Variants in LRRC7 observed in about 807,000 individuals in gnomAD.
The protein encoded by LRRC7 is leucine rich repeat containing 7, also known as leucine-rich repeat-containing protein 7.
A neutral mutation model predicts 175.7 loss-of-function variants in LRRC7; 23 were observed. The observed-to-expected ratio is 0.13, with a 90% CI of 0.09 to 0.19. LRRC7 has a LOEUF of 0.19. LRRC7 is among the 10% of genes least tolerant of loss of function. The pLI is 1.00. For synonymous variants in LRRC7, 685 were observed against 680.9 expected (o/e 1.01, Z -0.09); for missense variants, 1,354 against 1,904.7 (o/e 0.71, Z 5.38).
rs763775740 is a variant in LRRC7, at chr1:69,792,174, C to G, written c.421+14C>G. ...TCAGTAAAAATGGTAAGATTTTTCT[C>G]TCATCATAAAATACCTAGAATTTTT... On this transcript the variant is annotated intron_variant, in intron 4 of 26. Coordinates refer to ENST00000651989, the MANE Select transcript of LRRC7 (RefSeq NM_001370785.2). The G allele has an allele frequency of 8.4e-6, 12 of 1,431,330 alleles. No individual in the cohort carries two copies. The highest frequency in any genetic ancestry group is 1.2e-5 in the Non-Finnish European group (12 of 1,024,320). The allele number at this position is 1,431,330 out of a possible 1,614,324, so 88.7% of individuals were successfully genotyped here. A position where few individuals can be genotyped will look rare whatever the true frequency, so the allele number is the denominator to read the frequency against.
chr1:69,865,952 A>G (rs1433022394), intron 7 of LRRC7, among the ~76,000 whole-genome samples: 1 of 152,162 alleles, frequency 6.6e-6, no homozygotes, highest in East Asian at 1.9e-4. Context: ...GGCAGATAGA[A>G]AGTTTGGAAA....
intron 1 of LRRC7, among the ~76,000 whole-genome samples, chr1:69,574,037 G>T (rs2100886105): frequency 6.6e-6 from 1 of 152,208 alleles, no homozygotes; most frequent in South Asian, 2.1e-4. Context: ...CAAGGGGATA[G>T]GTATGCCCAA....
intron 2 of LRRC7, among the ~76,000 whole-genome samples, chr1:69,726,270 A>G (rs370275122): frequency 6.6e-6 from 1 of 152,300 alleles, no homozygotes; most frequent in South Asian, 2.1e-4. Flanking sequence ...TTCTATTTCT[A>G]CTGTATTGCC....
intron 3 of LRRC7, among the ~76,000 whole-genome samples, chr1:69,772,894 G>C (rs1268448256): frequency 6.6e-6 from 1 of 152,166 alleles, no homozygotes; most frequent in African/African-American, 2.4e-5. Flanking sequence ...GTTTGAAAAA[G>C]AGGGAGTATA....
intron 7 of LRRC7, among the ~76,000 whole-genome samples, chr1:69,852,735 T>C (rs1683124970): frequency 6.6e-6 from 1 of 152,182 alleles, no homozygotes; most frequent in Middle Eastern, 3.2e-3. Context: ...AAAATAAATA[T>C]CAACTTTGGG....
chr1:70,131,803 T>A lies in LRRC7; in HGVS notation c.*9916T>A, dbSNP rs938960573. On this transcript the variant is annotated 3_prime_UTR_variant, in exon 27 of 27. Transcript: ENST00000651989. ...ATTTACATGGGTAAAAGAATGCCAATGTCTCTTTGAACAAAAATAAATGAA... is the reference window on the plus strand; with the variant it reads ...ATTTACATGGGTAAAAGAATGCCAAAGTCTCTTTGAACAAAAATAAATGAA... 7.9e-5 allele frequency among the ~76,000 whole-genome samples: 12 copies of A among 152,206 alleles called. No individual in the cohort carries two copies. The highest frequency in any genetic ancestry group is 2.9e-4 in the African/African-American group (12 of 41,456).
At chr1:69,695,318 G>T (rs529432904) in intron 2 of LRRC7, among the ~76,000 whole-genome samples, 1 of 152,254 alleles carries the variant, frequency 6.6e-6, no homozygotes, top group South Asian at 2.1e-4. Context: ...AAATCTATAA[G>T]CAGAAAAACA....
intron 7 of LRRC7, among the ~76,000 whole-genome samples, chr1:69,912,352 A>G (rs1046660357): frequency 6.6e-6 from 1 of 152,214 alleles, no homozygotes; most frequent in Non-Finnish European, 1.5e-5. Flanking sequence ...CCAGTTATCT[A>G]CAAGAGTTTT....
intron 3 of LRRC7, among the ~76,000 whole-genome samples, chr1:69,762,588 A>G (rs137917343): frequency 1.3e-5 from 2 of 152,026 alleles, no homozygotes; most frequent in African/African-American, 4.8e-5. Context: ...GATGGGGGCA[A>G]TATGTAGGGA....
chr1:69,732,226 A>AT (rs925823099), intron 2 of LRRC7, among the ~76,000 whole-genome samples: 3 of 152,080 alleles, frequency 2.0e-5, no homozygotes, highest in African/African-American at 7.2e-5. Context: ...AAAGCTAAAT[A>AT]TTTTTTTAAA....
intron 4 of LRRC7, among the ~76,000 whole-genome samples, chr1:69,824,883 T>C (rs1265573209): frequency 1.3e-5 from 2 of 152,180 alleles, no homozygotes; most frequent in African/African-American, 2.4e-5. Flanking sequence ...TATCGCATAA[T>C]AACAGCTTCA....
chr1:69,650,396 C>T (rs1570166093), intron 1 of LRRC7, among the ~76,000 whole-genome samples: 1 of 151,556 alleles, frequency 6.6e-6, no homozygotes, highest in Non-Finnish European at 1.5e-5. Flanking sequence ...AAAAATTAGC[C>T]GGGCGTGGTG....
chr1:70,129,402 G>A lies in LRRC7; in HGVS notation c.*7515G>A, dbSNP rs149310207. Reference sequence around the variant, plus strand: ...TCTCTTGAATCTCTGGAAGAGGAGCGAGAATTTTGCCAATTTGTTCTAAAG... The same window carrying A: ...TCTCTTGAATCTCTGGAAGAGGAGCAAGAATTTTGCCAATTTGTTCTAAAG... On this transcript the variant is annotated 3_prime_UTR_variant, in exon 27 of 27. Transcript: ENST00000651989. 3.3e-4 allele frequency among the ~76,000 whole-genome samples: 50 copies of A among 152,224 alleles called. No homozygotes were observed. The highest frequency in any genetic ancestry group is 3.4e-3 in the Middle Eastern group (1 of 294).
chr1:69,621,670 T>C (rs534801234), intron 1 of LRRC7, among the ~76,000 whole-genome samples: 1 of 152,208 alleles, frequency 6.6e-6, no homozygotes, highest in Admixed American at 6.5e-5. Flanking sequence ...TATTTATTTG[T>C]GAAAGTATGC....
intron 1 of LRRC7, among the ~76,000 whole-genome samples, chr1:69,658,561 G>A (rs962134909): frequency 1.3e-5 from 2 of 151,938 alleles, no homozygotes; most frequent in Non-Finnish European, 2.9e-5. Context: ...GGCTGGAAAT[G>A]GTCTTGGAGT....
intron 3 of LRRC7, among the ~76,000 whole-genome samples, chr1:69,785,377 G>C (rs1674286780): frequency 1.3e-5 from 2 of 151,944 alleles, no homozygotes; most frequent in Non-Finnish European, 2.9e-5. Context: ...TTACAACTTT[G>C]CATCAAGTTT....
chr1:69,625,857 A>G (rs1437687598), intron 1 of LRRC7, among the ~76,000 whole-genome samples: 1 of 152,104 alleles, frequency 6.6e-6, no homozygotes, highest in East Asian at 1.9e-4. Context: ...AAATATTTGA[A>G]ATTTGAAGAA....
intron 2 of LRRC7, among the ~76,000 whole-genome samples, chr1:69,718,103 G>T (rs1557642887): frequency 3.0e-5 from 2 of 66,502 alleles, no homozygotes; most frequent in Non-Finnish European, 5.8e-5. Context: ...AGAGAAGAAA[G>T]AGAGAAAAAG....
chr1:70,034,413 T>G (rs2102013151), intron 18 of LRRC7, among the ~76,000 whole-genome samples: 2 of 152,338 alleles, frequency 1.3e-5, no homozygotes, highest in Middle Eastern at 6.8e-3. Context: ...TGTTGAGTAG[T>G]TATCTTTCCT....
Sources: gnomAD v4.1 joint callset for allele counts (sites outside exome capture counted in the v4.1 genomes callset) on GRCh38, gnomAD v4.1.1 for gene constraint, MANE v1.5 for transcripts, NCBI Gene and HGNC (gene_info 2026-07-23, HGNC 2026-07-21) for gene names.